Variants in NRG1 observed in about 807,000 individuals in gnomAD.
The protein encoded by NRG1 is pro-neuregulin-1, membrane-bound isoform.
NRG1 carries 18 observed loss-of-function variants against 63.8 expected under a neutral mutation model. The observed-to-expected ratio is 0.28, with a 90% CI of 0.19 to 0.42. The LOEUF (loss-of-function observed/expected upper bound fraction) is 0.42, where lower values mean the gene tolerates loss of function less well. Among genes scored for constraint, NRG1 ranks in the 10% least tolerant of loss-of-function variants. The probability of loss-of-function intolerance (pLI) is 1.00; values close to 1 mark genes in which losing one functional copy is unlikely to be tolerated. For missense variants in NRG1, 762 were observed against 814.7 expected, an observed-to-expected ratio of 0.94 and a Z score of 0.79; for synonymous variants, 302 against 301.3, an observed-to-expected ratio of 1.00 and a Z score of -0.02.
At chr8:32,044,674 G>A (rs189658938) in intron 1 of NRG1, among the ~76,000 whole-genome samples, 20 of 151,118 alleles carry the variant, frequency 1.3e-4, no homozygotes, top group Middle Eastern at 3.4e-3. Context: ...AAAAAATTCC[G>A]AACAGTTTGA....
chr8:31,796,732 C>T (rs868131491), intron 1 of NRG1, among the ~76,000 whole-genome samples: 3 of 152,116 alleles, frequency 2.0e-5, no homozygotes, highest in East Asian at 1.9e-4. Flanking sequence ...CCACTGCGCC[C>T]GGCCAGAAGG....
At chr8:32,598,690 C>G (rs1283693235) in intron 2 of NRG1, among the ~76,000 whole-genome samples, 1 of 152,060 alleles carries the variant, frequency 6.6e-6, no homozygotes, top group African/African-American at 2.4e-5. Context: ...CATATTTGAT[C>G]TAAAAATAAG....
At chr8:32,249,826 T>G (rs1848920954) in intron 1 of NRG1, among the ~76,000 whole-genome samples, 1 of 152,114 alleles carries the variant, frequency 6.6e-6, no homozygotes, top group Admixed American at 6.6e-5. Flanking sequence ...CACTAGGTCA[T>G]TAAAGAGAAG....
At chr8:32,039,306 C>T (rs911157015) in intron 1 of NRG1, among the ~76,000 whole-genome samples, 4 of 152,144 alleles carry the variant, frequency 2.6e-5, no homozygotes, top group African/African-American at 4.8e-5. Flanking sequence ...TGTTAGCCTG[C>T]GATTGTTATT....
intron 1 of NRG1, among the ~76,000 whole-genome samples, chr8:31,850,048 T>C (rs1174089597): frequency 6.6e-6 from 1 of 152,184 alleles, no homozygotes; most frequent in East Asian, 1.9e-4. Flanking sequence ...GTTACCCTCA[T>C]AACAGGTGGG....
At chr8:31,864,818 A>G (rs1185332106) in intron 1 of NRG1, among the ~76,000 whole-genome samples, 1 of 152,074 alleles carries the variant, frequency 6.6e-6, no homozygotes, top group African/African-American at 2.4e-5. Flanking sequence ...TTGGTGGACA[A>G]TTGATGGACT....
In NRG1 at chr8:32,347,712, G is replaced by T. The variant is rs1472584123; in HGVS notation, c.38-248116G>T. 5.9e-5 allele frequency among the ~76,000 whole-genome samples: 9 copies of T among 152,164 alleles called. No individual in the cohort carries two copies. The East Asian group carries it at 1.7e-3, about 29-fold the overall frequency. On this transcript the variant is annotated intron_variant, in intron 1 of 10. Transcript: ENST00000519301. ...GTGTCTCCAGACTTTTAACAGCCCA[G>T]AAATGGTTTCAATGTTCTGCATTAA...
At chr8:32,165,137 C>G (rs1005372224) in intron 1 of NRG1, among the ~76,000 whole-genome samples, 1 of 151,494 alleles carries the variant, frequency 6.6e-6, no homozygotes, top group Non-Finnish European at 1.5e-5. Flanking sequence ...AGATATTGCC[C>G]TTATTTTTTT....
At chr8:32,203,033 A>T (rs970415613) in intron 1 of NRG1, among the ~76,000 whole-genome samples, 1 of 151,826 alleles carries the variant, frequency 6.6e-6, no homozygotes, top group Non-Finnish European at 1.5e-5. Context: ...TTGTAAAACT[A>T]CATATGACTC....
intron 1 of NRG1, among the ~76,000 whole-genome samples, chr8:32,495,687 C>T (rs1827127925): frequency 6.6e-6 from 1 of 152,054 alleles, no homozygotes; most frequent in Non-Finnish European, 1.5e-5. Flanking sequence ...GGTCTCGAAC[C>T]CTGACTTCAG....
At chr8:32,732,488 A>G (rs1823926203) in intron 6 of NRG1, among the ~76,000 whole-genome samples, 1 of 152,190 alleles carries the variant, frequency 6.6e-6, no homozygotes, top group Non-Finnish European at 1.5e-5. Flanking sequence ...TCCAGTGGAC[A>G]GATGTGCCTT....
At chr8:32,762,048 A>AC (rs1356556039) in intron 11 of NRG1, among the ~76,000 whole-genome samples, 1 of 150,390 alleles carries the variant, frequency 6.6e-6, no homozygotes, top group Non-Finnish European at 1.5e-5. Flanking sequence ...CAAAAAAAAA[A>AC]AAAAAAAAAA....
rs561870786 is a variant in NRG1 at position 32,242,002 on chromosome 8, C to T, written c.38-353826C>T. ...TCCTAGCCTCAAGAAATCCTTCAGA[C>T]TTGTCCTCCTAGAGTGTTGGGATTA... On this transcript the variant is annotated intron_variant, in intron 1 of 10. Coordinates refer to the NRG1 transcript ENST00000519301. Among the ~76,000 whole-genome samples the T allele has an allele frequency of 3.9e-5, 6 of 152,276 alleles. 1 individual carries two copies. The South Asian group carries it at 1.2e-3, about 32-fold the overall frequency.
chr8:32,212,157 A>G (rs764827740), intron 1 of NRG1, among the ~76,000 whole-genome samples: 30 of 152,080 alleles, frequency 2.0e-4, no homozygotes, highest in Non-Finnish European at 3.2e-4. Flanking sequence ...GTAAGGTTTG[A>G]TTTACTGATT....
chr8:31,824,314 G>C (rs565799180), intron 1 of NRG1, among the ~76,000 whole-genome samples: 34 of 151,766 alleles, frequency 2.2e-4, no homozygotes, highest in Non-Finnish European at 4.1e-4. Context: ...TGAGAATGAT[G>C]GTTTCCAGCT....
chr8:32,333,280 T>C (rs1214551771), intron 1 of NRG1, among the ~76,000 whole-genome samples: 1 of 152,206 alleles, frequency 6.6e-6, no homozygotes, highest in Non-Finnish European at 1.5e-5. Flanking sequence ...CACTCAGCAG[T>C]CACCCCATGT....
chr8:32,185,753 C>T (rs1272400078), intron 1 of NRG1, among the ~76,000 whole-genome samples: 1 of 152,164 alleles, frequency 6.6e-6, no homozygotes, highest in Non-Finnish European at 1.5e-5. Flanking sequence ...GGCCTGATCT[C>T]ACCAGTGAAA....
rs536875245 is a variant in NRG1 at position 31,738,388 on chromosome 8, T to A, written c.37+98957T>A. ...AGTGTCTATCACTACTTAATGCATG[T>A]ATAATGCCCTGCTGTACTGATATTC... is the stretch of plus-strand genomic sequence containing the variant. On this transcript the variant is annotated intron_variant, in intron 1 of 10. Transcript: ENST00000519301. 3.9e-5 allele frequency among the ~76,000 whole-genome samples: 6 copies of A among 152,250 alleles called. No homozygotes were observed. The East Asian group carries it at 1.2e-3, about 29-fold the overall frequency.
chr8:32,504,799 ATTG>A (rs1563555908), intron 1 of NRG1, among the ~76,000 whole-genome samples: 1 of 152,130 alleles, frequency 6.6e-6, no homozygotes, highest in East Asian at 1.9e-4. Context: ...TTTTATCAAT[ATTG>A]TTGGTGGAGA....
Sources: gnomAD v4.1 joint callset for allele counts (sites outside exome capture counted in the v4.1 genomes callset) on GRCh38, gnomAD v4.1.1 for gene constraint, MANE v1.5 for transcripts, NCBI Gene and HGNC (gene_info 2026-07-23, HGNC 2026-07-21) for gene names.